The following MELTF variants were observed in gnomAD, a reference collection of about 807,000 sequenced individuals.
MELTF encodes melanotransferrin.
Under a neutral mutation model 83.7 loss-of-function variants are expected in MELTF, and 67 were observed. The observed-to-expected ratio is 0.80, with a 90% confidence interval of 0.66 to 0.98. The LOEUF (loss-of-function observed/expected upper bound fraction) is 0.98. MELTF is among the 50% of genes least tolerant of loss of function. MELTF has a pLI of 0.00. For missense variants in MELTF, 1,002 were observed against 1,035.6 expected (o/e 0.97, Z 0.44); for synonymous variants, 462 against 447.6 (o/e 1.03, Z -0.41).
At chr3:197,023,970 C>A (rs2280294) in intron 4 of MELTF, 293,042 of 551,620 alleles carry the variant, frequency 0.53, 84,296 homozygotes, top group East Asian at 0.73. Context: ...ACACAGTGAC[C>A]TGCGCCCGGT....
Position 197,003,745 on chromosome 3 carries a change from T to A in MELTF, c.2137+156A>T. The A allele has an allele frequency of 1.4e-4, 93 of 671,350 alleles. No homozygotes were observed. Among genetic ancestry groups the A allele is most frequent in the Admixed American group, 2.9e-4 (9 of 30,998 alleles). The allele number at this position is 671,350 out of a possible 1,614,324, so 41.6% of individuals were successfully genotyped here. On this transcript the variant is annotated intron_variant, in intron 15 of 15. Coordinates refer to ENST00000296350, the MANE Select transcript of MELTF (RefSeq NM_005929.6). This position sits in a 1 kb window ranked among gnomAD's most constrained non-coding sequence, Gnocchi z 6.2. ...GCTCCCGCCCTCCCGGCCCGCAGCC[T>A]CCTGGCCAAAATCCTCCCGGGACAC...
rs1161689861 is a variant in MELTF at position 197,006,347 on chromosome 3, G to A, written c.1938+202C>T. ...TGTTTCATGTTGGTGAAAATGGTCCGACTGAGAAGGGAAAATCAACGATGC... is the reference window on the plus strand; with the variant it reads ...TGTTTCATGTTGGTGAAAATGGTCCAACTGAGAAGGGAAAATCAACGATGC... On this transcript the variant is annotated intron_variant, in intron 14 of 15. Transcript: ENST00000296350. The surrounding 1 kb of genome is among the most constrained non-coding windows in gnomAD (Gnocchi z 5.4). 2.6e-5 allele frequency among the ~76,000 whole-genome samples: 4 copies of A among 152,210 alleles called. No individual in the cohort carries two copies. The highest frequency in any genetic ancestry group is 4.4e-5 in the Non-Finnish European group (3 of 68,034).
intron 3 of MELTF, 38 bp downstream of exon 3, chr3:197,026,622 C>T (rs754562031): frequency 3.8e-6 from 6 of 1,578,466 alleles, no homozygotes; most frequent in East Asian, 2.2e-5. Flanking sequence ...TGACTTCCAG[C>T]GCAGGCTGTC....
chr3:197,003,745 T>C lies in MELTF; in HGVS notation c.2137+156A>G, dbSNP rs1249164572. On this transcript the variant is annotated intron_variant, in intron 15 of 15. Transcript: ENST00000296350. This position sits in a 1 kb window ranked among gnomAD's most constrained non-coding sequence, Gnocchi z 6.2. The stretch of plus-strand genomic sequence containing the variant: ...GCTCCCGCCCTCCCGGCCCGCAGCC[T>C]CCTGGCCAAAATCCTCCCGGGACAC... 3.4e-5 allele frequency: 23 copies of C among 671,486 alleles called. No homozygotes were observed. Among genetic ancestry groups the C allele is most frequent in the Non-Finnish European group, 5.1e-5 (22 of 429,294 alleles). The allele number at this position is 671,486 out of a possible 1,614,324, so 41.6% of individuals were successfully genotyped here.
At chr3:197,009,005 G>C (rs375798935) in intron 11 of MELTF, 40 bp from the exon 12 acceptor site, 15 of 1,610,354 alleles carry the variant, frequency 9.3e-6, no homozygotes, top group Non-Finnish European at 1.0e-5. Flanking sequence ...GGCCAGCAGT[G>C]GAAAGTGTGG....
chr3:197,015,553 G>C, intron 8 of MELTF, 37 bp from the exon 9 acceptor site: 1 of 1,585,514 alleles, frequency 6.3e-7, no homozygotes, highest in South Asian at 1.1e-5. Flanking sequence ...TGCCAGGCCA[G>C]TACTGCCATG....
chr3:197,023,812 G>C (rs1719728991), intron 4 of MELTF: 4 of 455,802 alleles, frequency 8.8e-6, no homozygotes, highest in Non-Finnish European at 1.8e-5. Flanking sequence ...CACCAGCTGA[G>C]AGGGTGAGGC....
Position 197,011,027 on chromosome 3 carries a change from G to T in MELTF, c.1234-233C>A, listed in dbSNP as rs996825797. Among the ~76,000 whole-genome samples, 1 of 152,150 alleles carries T rather than the reference G, an allele frequency of 6.6e-6. No individual in the cohort carries two copies. Among genetic ancestry groups the T allele is most frequent in the African/African-American group, 2.4e-5 (1 of 41,436 alleles). ...AGGACCAAGGGGCAGAAACACCCAC[G>T]CAGCACTCCTGCGCGTGGCCACCCA... On this transcript the variant is annotated intron_variant, in intron 9 of 15. Transcript: ENST00000296350. This position sits in a 1 kb window ranked among gnomAD's most constrained non-coding sequence, Gnocchi z 4.2.
At chr3:197,015,836 C>T (rs373159552) in intron 8 of MELTF, among the ~76,000 whole-genome samples, 7 of 152,114 alleles carry the variant, frequency 4.6e-5, no homozygotes, top group Non-Finnish European at 7.4e-5. Flanking sequence ...ATGGCACCTG[C>T]GCCAGGGCTG....
chr3:197,002,906 G>C lies in MELTF; in HGVS notation c.*466C>G, dbSNP rs535718464. On this transcript the variant is annotated 3_prime_UTR_variant, in exon 16 of 16. Transcript: ENST00000296350. ...CCTCCCGCCGCCGCCAGCAGAGGCC[G>C]CTGTCCCACGCGCCGGGTCCCGTTG... 6.6e-6 allele frequency: 1 copy of C among 152,004 alleles called. No individual in the cohort carries two copies. The highest frequency in any genetic ancestry group is 1.9e-4 in the East Asian group (1 of 5,168). 9.4% of individuals were successfully genotyped at this position (152,004 alleles called of 1,614,324 possible). A position where few individuals can be genotyped will look rare whatever the true frequency, so the allele number is the denominator to read the frequency against.
rs71623319 is a variant in MELTF at position 197,014,383 on chromosome 3, GTTTTT to G, written c.1233+977_1233+981del. ...GTAGGGGAAGGGAGGAATAGGGAGAGTTTTTTTTTTTTTTTTTTTTTTTGAGACAG... is the reference window on the plus strand; with the variant it reads ...GTAGGGGAAGGGAGGAATAGGGAGAGTTTTTTTTTTTTTTTTTTGAGACAG... On this transcript the variant is annotated intron_variant, in intron 9 of 15. Transcript: ENST00000296350. Among the ~76,000 whole-genome samples the G allele has an allele frequency of 6.1e-3, 621 of 101,034 alleles. 3 individuals are homozygous for G. The highest frequency in any genetic ancestry group is 0.023 in the African/African-American group (562 of 24,108). The allele number at this position is 101,034 out of a possible 152,430, so 66.3% of individuals were successfully genotyped here.
rs1256622714 is a variant in MELTF at position 197,027,894 on chromosome 3, C to T, written c.66G>A (p.Glu22=). 2.5e-6 allele frequency: 4 copies of T among 1,596,830 alleles called. No homozygotes were observed. The African/African-American group carries it at 5.4e-5, about 21-fold the overall frequency. ...LALRTVLGGM[E]VRWCATSDPE... ...GGTCCGAGGTGGCGCACCACCGCAC[C>T]TCCATGCCACCGAGCACTGCGGGCA... is the stretch of plus-strand genomic sequence containing the variant. The change falls in exon 2 of 16, where the codon GAG becomes GAA. Residue 22 remains glutamate (E), a synonymous_variant. Transcript: ENST00000296350.
At chr3:197,026,927 C>T (rs572404942) in intron 2 of MELTF, 168 bp from the exon 3 acceptor site, 2 of 582,092 alleles carry the variant, frequency 3.4e-6, no homozygotes, top group South Asian at 4.3e-5. Context: ...TCCCCCTTTC[C>T]CAGGCCAGGG....
chr3:197,029,779 C>T lies in MELTF; in HGVS notation c.-77G>A. On this transcript the variant is annotated 5_prime_UTR_variant, in exon 1 of 16. Coordinates refer to ENST00000296350, the MANE Select transcript of MELTF (RefSeq NM_005929.6). The surrounding 1 kb of genome is among the most constrained non-coding windows in gnomAD (Gnocchi z 6.5). ...GAGGTCCGCAGCAGCCGGGCTTCCTCCCTGCTCCCCCTCGCGCTGGCCCGA... is the reference window on the plus strand; with the variant it reads ...GAGGTCCGCAGCAGCCGGGCTTCCTTCCTGCTCCCCCTCGCGCTGGCCCGA... 1.0e-6 allele frequency: 1 copy of T among 1,004,914 alleles called. No individual in the cohort carries two copies. Among genetic ancestry groups the T allele is most frequent in the Non-Finnish European group, 1.3e-6 (1 of 781,836 alleles). 62.2% of individuals were successfully genotyped at this position (1,004,914 alleles called of 1,614,324 possible). A position where few individuals can be genotyped will look rare whatever the true frequency, so the allele number is the denominator to read the frequency against.
chr3:197,022,987 T>C lies in MELTF; in HGVS notation c.614A>G (p.Glu205Gly), dbSNP rs1719686872. 1.9e-6 allele frequency: 3 copies of C among 1,613,114 alleles called. No individual in the cohort carries two copies. The highest frequency in any genetic ancestry group is 1.1e-5 in the South Asian group (1 of 91,060). ...GEGVCDKSPLERYYDYSGAFR... is the reference protein window; with the variant it reads ...GEGVCDKSPLGRYYDYSGAFR... The stretch of plus-strand genomic sequence containing the variant: ...GGCCCCGCTGTAGTCGTAGTATCTC[T>C]CCAGGGGGCTCTTGTCACACACCCC... Residue 205 changes from glutamate to glycine, a missense_variant, in exon 5 of 16, where the codon GAG becomes GGG. By Grantham distance (98) the Glu-to-Gly change is moderately conservative. Transcript: ENST00000296350. The surrounding 1 kb of genome is among the most constrained non-coding windows in gnomAD (Gnocchi z 5.1).
At chr3:197,014,679 T>A (rs552464083) in intron 9 of MELTF, among the ~76,000 whole-genome samples, 18 of 152,246 alleles carry the variant, frequency 1.2e-4, no homozygotes, top group Non-Finnish European at 2.2e-4. Context: ...TGTGAGCCAA[T>A]GCACCCAGCC....
At position 197,006,667 on chromosome 3, in the gene MELTF, GC is replaced by G; in HGVS notation, c.1819del (p.Ala607ProfsTer21). The G allele has an allele frequency of 6.3e-7, 1 of 1,597,162 alleles. No individual in the cohort carries two copies. The part of the protein sequence containing the change: ...EDYELLCPNG[A>X]RAEVSQFAAC... ...TGCAAACTGGGACACCTCGGCTCGG[GC>G]CCCGTTGGGGCACAGCAGTTCATAG... On this transcript the variant is annotated frameshift_variant, in exon 14 of 16. Transcript: ENST00000296350. LOFTEE classifies it high-confidence loss of function. The surrounding 1 kb of genome is among the most constrained non-coding windows in gnomAD (Gnocchi z 5.4).
intron 9 of MELTF, 139 bp from the exon 10 acceptor site, chr3:197,010,933 G>C (rs1009732964): frequency 9.8e-6 from 7 of 713,952 alleles, no homozygotes; most frequent in Non-Finnish European, 1.2e-5. Context: ...TGTGGGTGGG[G>C]AGTACCCCAT....
rs935513610 is a variant in MELTF, at chr3:197,002,386, G to A, written c.*986C>T. ...GCTTCTCAGACAACTGTGGCAAGATGGAGTAGAGAGAGGCCCCGGCCGGGC... is the reference window on the plus strand; with the variant it reads ...GCTTCTCAGACAACTGTGGCAAGATAGAGTAGAGAGAGGCCCCGGCCGGGC... On this transcript the variant is annotated 3_prime_UTR_variant, in exon 16 of 16. Transcript: ENST00000296350. 2.0e-5 allele frequency: 3 copies of A among 152,330 alleles called. No individual in the cohort carries two copies. Among genetic ancestry groups the A allele is most frequent in the Admixed American group, 1.3e-4 (2 of 15,292 alleles). The allele number at this position is 152,330 out of a possible 1,614,324, so 9.4% of individuals were successfully genotyped here. A position where few individuals can be genotyped will look rare whatever the true frequency, so the allele number is the denominator to read the frequency against.
Sources: allele counts gnomAD v4.1 joint callset (sites outside exome capture counted in the v4.1 genomes callset), GRCh38; gene constraint gnomAD v4.1.1; non-coding constraint Gnocchi (gnomAD v3.1); transcripts MANE v1.5; gene names NCBI Gene and HGNC (gene_info 2026-07-23, HGNC 2026-07-21).